TDRD1: variants seen among roughly 807,000 people sequenced by gnomAD.
The protein encoded by TDRD1 is tudor domain-containing protein 1.
TDRD1 carries 37 observed loss-of-function variants against 140.6 expected under a neutral mutation model. The observed-to-expected ratio is 0.26, with a 90% CI of 0.20 to 0.35. TDRD1 has a LOEUF of 0.35. TDRD1 is among the 10% of genes least tolerant of loss of function. TDRD1 has a pLI of 1.00. For synonymous variants in TDRD1, 506 were observed against 475.7 expected, an observed-to-expected ratio of 1.06 and a Z score of -0.83; for missense variants, 1,243 against 1,393.0, an observed-to-expected ratio of 0.89 and a Z score of 1.71.
intron 1 of TDRD1, among the ~76,000 whole-genome samples, chr10:114,180,521 A>G (rs1050034222): frequency 2.0e-5 from 3 of 152,190 alleles, no homozygotes; most frequent in Non-Finnish European, 4.4e-5. Context: ...GCTGGAGTGC[A>G]ATGGCGCGAT....
intron 15 of TDRD1, 47 bp from the exon 16 acceptor site, chr10:114,213,930 A>G (rs766672510): frequency 9.3e-6 from 15 of 1,604,868 alleles, no homozygotes; most frequent in Admixed American, 3.4e-5. Flanking sequence ...CAACCTCGCT[A>G]CATCCCTCCT....
At chr10:114,201,046 G>A (rs551427117) in intron 4 of TDRD1, among the ~76,000 whole-genome samples, 1 of 150,558 alleles carries the variant, frequency 6.6e-6, no homozygotes, top group South Asian at 2.1e-4. Flanking sequence ...TAGAGACAAG[G>A]TTTCAAACCA....
At chr10:114,185,658 G>A (rs2033458481) in intron 1 of TDRD1, among the ~76,000 whole-genome samples, 1 of 151,774 alleles carries the variant, frequency 6.6e-6, no homozygotes, top group African/African-American at 2.4e-5. Flanking sequence ...TGTGATCTTG[G>A]CTCACTGTAA....
intron 11 of TDRD1, among the ~76,000 whole-genome samples, chr10:114,207,377 G>A (rs2035193819): frequency 6.6e-6 from 1 of 152,048 alleles, no homozygotes; most frequent in African/African-American, 2.4e-5. Context: ...AGTATCCCTT[G>A]TATATGTCTT....
At chr10:114,205,740 G>T (rs1490193308) in intron 10 of TDRD1, among the ~76,000 whole-genome samples, 1 of 152,188 alleles carries the variant, frequency 6.6e-6, no homozygotes, top group Non-Finnish European at 1.5e-5. Context: ...CTGGGAGTAG[G>T]TGGGGATGGT....
rs1186919613 is a variant in TDRD1 at position 114,179,341 on chromosome 10, C to CCCAGCATCGGCAGTCG, written c.-78_-63dup. 7.2e-5 allele frequency: 11 copies of CCCAGCATCGGCAGTCG among 152,736 alleles called. No homozygotes were observed. The highest frequency in any genetic ancestry group is 2.7e-4 in the African/African-American group (11 of 41,450). The allele number at this position is 152,736 out of a possible 1,614,324, so 9.5% of individuals were successfully genotyped here. A position where few individuals can be genotyped will look rare whatever the true frequency, so the allele number is the denominator to read the frequency against. On this transcript the variant is annotated 5_prime_UTR_variant, in exon 1 of 26. Coordinates refer to ENST00000251864, the Ensembl canonical transcript of TDRD1. ...AGGGCGCATCCCAGGCGGCAGGGCT[C>CCCAGCATCGGCAGTCG]CCAGCATCGGCAGTCGCCATCACCG...
chr10:114,229,529 AGC>A (rs2036631113), intron 25 of TDRD1, among the ~76,000 whole-genome samples: 1 of 151,308 alleles, frequency 6.6e-6, no homozygotes, highest in Admixed American at 6.6e-5. Context: ...TGTATGTTTA[AGC>A]TTAAAATCTT....
At chr10:114,228,014 A>G in intron 24 of TDRD1, 24 bp from the exon 25 acceptor site, 2 of 1,610,732 alleles carry the variant, frequency 1.2e-6, no homozygotes, top group Non-Finnish European at 1.7e-6. Flanking sequence ...AAATTAAATC[A>G]TATGGTTTCT....
chr10:114,231,433 C>A, intron 25 of TDRD1: 1 of 1,408,164 alleles, frequency 7.1e-7, no homozygotes, highest in South Asian at 1.2e-5. Flanking sequence ...AAAGCCATAG[C>A]AATTGAGTTT....
At chr10:114,184,316 G>C (rs918137310) in intron 1 of TDRD1, among the ~76,000 whole-genome samples, 2 of 152,082 alleles carry the variant, frequency 1.3e-5, no homozygotes, top group Admixed American at 6.5e-5. Flanking sequence ...CTTATTTGAT[G>C]CCTCAGCGTG....
chr10:114,215,711 A>G (rs1346666452), intron 16 of TDRD1, among the ~76,000 whole-genome samples: 1 of 152,188 alleles, frequency 6.6e-6, no homozygotes, highest in South Asian at 2.1e-4. Context: ...ACCATTCCAT[A>G]TAGGATAAAA....
intron 1 of TDRD1, among the ~76,000 whole-genome samples, chr10:114,185,122 T>G (rs868730397): frequency 6.6e-6 from 1 of 152,232 alleles, no homozygotes; most frequent in Non-Finnish European, 1.5e-5. Flanking sequence ...CAGTCGGGTT[T>G]TGTTTTACAC....
chr10:114,227,393 C>A, intron 23 of TDRD1, 94 bp downstream of exon 23: 1 of 899,338 alleles, frequency 1.1e-6, no homozygotes, highest in Non-Finnish European at 1.8e-6. Context: ...ACTTCCCATG[C>A]CATACTCTCT....
At chr10:114,214,740 T>TC (rs1283582500) in intron 16 of TDRD1, among the ~76,000 whole-genome samples, 1 of 151,118 alleles carries the variant, frequency 6.6e-6, no homozygotes, top group African/African-American at 2.4e-5. Flanking sequence ...TTTCTTTCTT[T>TC]TTTTTTTTTT....
intron 1 of TDRD1, among the ~76,000 whole-genome samples, chr10:114,184,295 G>A (rs2033344657): frequency 6.6e-6 from 1 of 151,888 alleles, no homozygotes; most frequent in African/African-American, 2.4e-5. Flanking sequence ...TGATTGGCCT[G>A]CAAATAACAG....
chr10:114,213,205 A>G, intron 14 of TDRD1, 141 bp from the exon 15 acceptor site: 1 of 774,300 alleles, frequency 1.3e-6, no homozygotes, highest in Non-Finnish European at 2.0e-6. Context: ...TTATGCATTC[A>G]TTTTTATGTT....
intron 1 of TDRD1, among the ~76,000 whole-genome samples, chr10:114,180,840 C>T (rs1482019679): frequency 6.6e-6 from 1 of 152,084 alleles, no homozygotes; most frequent in Non-Finnish European, 1.5e-5. Context: ...AAGCAAACAT[C>T]AGAGAAGGAA....
chr10:114,218,328 A>G, intron 17 of TDRD1, 86 bp from the exon 18 acceptor site: 1 of 992,504 alleles, frequency 1.0e-6, no homozygotes, highest in Non-Finnish European at 1.4e-6. Context: ...CTACTTTTAG[A>G]CAAAGGGTGG....
intron 11 of TDRD1, among the ~76,000 whole-genome samples, chr10:114,207,555 A>G (rs113871539): frequency 0.017 from 2,533 of 152,278 alleles, 69 homozygotes; most frequent in African/African-American, 0.056. Flanking sequence ...AGCTCTGATG[A>G]AAAGCTTTCA....
Sources: gnomAD v4.1 joint callset for allele counts (sites outside exome capture counted in the v4.1 genomes callset) on GRCh38, gnomAD v4.1.1 for gene constraint, MANE v1.5 for transcripts, NCBI Gene and HGNC (gene_info 2026-07-23, HGNC 2026-07-21) for gene names.